Variants in HDAC9 observed in about 807,000 individuals in gnomAD.
HDAC9 encodes the protein MEF-2 interacting transcription repressor (MITR) protein.
HDAC9 carries 41 observed loss-of-function variants against 139.4 expected under a neutral mutation model. That is an observed-to-expected ratio of 0.29 (90% CI 0.23 to 0.38). The LOEUF (loss-of-function observed/expected upper bound fraction) is 0.38, where lower values mean the gene tolerates loss of function less well. HDAC9 is among the 10% of genes least tolerant of loss of function. HDAC9 has a pLI of 1.00. For missense variants in HDAC9, 1,147 were observed against 1,297.0 expected (o/e 0.88, Z 1.78); for synonymous variants, 517 against 476.2 (o/e 1.09, Z -1.12).
At chr7:18,712,120 A>G (rs1784389361) in intron 12 of HDAC9, among the ~76,000 whole-genome samples, 1 of 152,254 alleles carries the variant, frequency 6.6e-6, no homozygotes, top group South Asian at 2.1e-4. Flanking sequence ...TTGAATTCCA[A>G]TTTAAATAAA....
At chr7:18,268,054 T>G (rs2128211288) in intron 2 of HDAC9, among the ~76,000 whole-genome samples, 1 of 152,288 alleles carries the variant, frequency 6.6e-6, no homozygotes, top group Non-Finnish European at 1.5e-5. Context: ...TGCTACTCAG[T>G]TATTGGAATA....
At chr7:18,123,804 C>T (rs1162084779) in intron 1 of HDAC9, among the ~76,000 whole-genome samples, 1 of 152,102 alleles carries the variant, frequency 6.6e-6, no homozygotes, top group African/African-American at 2.4e-5. Context: ...TTAATTCTCT[C>T]ACATAATAAG....
intron 2 of HDAC9, among the ~76,000 whole-genome samples, chr7:18,243,311 C>T (rs1242531427): frequency 2.0e-5 from 3 of 152,200 alleles, no homozygotes; most frequent in Non-Finnish European, 4.4e-5. Context: ...GTTCTAAGGA[C>T]TAAAGCATAA....
At chr7:18,624,546 G>A (rs1253155026) in intron 6 of HDAC9, among the ~76,000 whole-genome samples, 2 of 152,064 alleles carry the variant, frequency 1.3e-5, no homozygotes, top group Non-Finnish European at 2.9e-5. Context: ...AAGGTAATTA[G>A]TGTAACTAGG....
At chr7:18,203,913 A>G (rs527517579) in intron 2 of HDAC9, among the ~76,000 whole-genome samples, 148 of 152,264 alleles carry the variant, frequency 9.7e-4, no homozygotes, top group African/African-American at 3.4e-3. Context: ...GAGGTAATGT[A>G]GAGATATAGG....
chr7:18,927,488 T>G, intron 22 of HDAC9, among the ~76,000 whole-genome samples: 1 of 152,138 alleles, frequency 6.6e-6, no homozygotes, highest in East Asian at 1.9e-4. Context: ...GGGAGGAAAA[T>G]GGCTACAGTT....
intron 2 of HDAC9, among the ~76,000 whole-genome samples, chr7:18,190,104 A>T (rs929980410): frequency 2.0e-5 from 3 of 151,894 alleles, no homozygotes; most frequent in South Asian, 2.1e-4. Flanking sequence ...CATGCCTGGC[A>T]AATTATTTTT....
chr7:18,513,375 G>A (rs771819324), intron 2 of HDAC9, among the ~76,000 whole-genome samples: 2 of 152,174 alleles, frequency 1.3e-5, no homozygotes, highest in Non-Finnish European at 2.9e-5. Context: ...GTGAAATAGA[G>A]AGGTGATAAT....
At chr7:18,347,581 C>T (rs1199391057) in intron 1 of HDAC9, among the ~76,000 whole-genome samples, 1 of 152,028 alleles carries the variant, frequency 6.6e-6, no homozygotes, top group African/African-American at 2.4e-5. Context: ...GCAACATGTT[C>T]TTATTTATTT....
rs1186755275 is a variant in HDAC9, at chr7:18,620,086, T to TC, written c.665-9261dup. ...GCCTCAGCACTTAACATGCACTTTT[T>TC]CCCATTCCTTGATTCCTTGTTTGAA... is the stretch of plus-strand genomic sequence containing the variant. On this transcript the variant is annotated intron_variant, in intron 6 of 25. Coordinates refer to ENST00000686413, the MANE Select transcript of HDAC9 (RefSeq NM_178425.4). 2.0e-5 allele frequency among the ~76,000 whole-genome samples: 3 copies of TC among 152,206 alleles called. No individual in the cohort carries two copies. In the East Asian group the frequency reaches 5.8e-4, roughly 29 times the overall value.
At chr7:18,551,766 A>G (rs898780146) in intron 2 of HDAC9, among the ~76,000 whole-genome samples, 5 of 152,188 alleles carry the variant, frequency 3.3e-5, no homozygotes, top group Non-Finnish European at 5.9e-5. Flanking sequence ...TTCAAACAGA[A>G]TCAACATTGT....
rs111496803 is a variant in HDAC9 at position 18,853,620 on chromosome 7, C to T, written c.2684+17623C>T. On this transcript the variant is annotated intron_variant, in intron 21 of 25. Coordinates refer to ENST00000686413, the MANE Select transcript of HDAC9 (RefSeq NM_178425.4). ...TAAGCATGTGCCATCTTTAAAGTAC[C>T]TATTTGAAACTGTTATAATTTAAGA... is the stretch of plus-strand genomic sequence containing the variant. 6.7e-3 allele frequency among the ~76,000 whole-genome samples: 1,022 copies of T among 151,984 alleles called. 12 individuals carry two copies. Among genetic ancestry groups the T allele is most frequent in the African/African-American group, 0.022 (921 of 41,444 alleles).
chr7:18,447,658 A>G (rs73060381), intron 1 of HDAC9, among the ~76,000 whole-genome samples: 1,732 of 152,324 alleles, frequency 0.011, 16 homozygotes, highest in Middle Eastern at 0.048. Flanking sequence ...GTTTTTGTTA[A>G]CTATGCTTTA....
At chr7:18,554,206 T>C (rs968353606) in intron 2 of HDAC9, among the ~76,000 whole-genome samples, 5 of 152,068 alleles carry the variant, frequency 3.3e-5, no homozygotes, top group African/African-American at 1.2e-4. Flanking sequence ...TATAGAACTG[T>C]ATTGTCTATA....
At chr7:18,231,322 G>A (rs867131432) in intron 2 of HDAC9, among the ~76,000 whole-genome samples, 3 of 152,186 alleles carry the variant, frequency 2.0e-5, no homozygotes, top group African/African-American at 7.2e-5. Flanking sequence ...TAGACTCATT[G>A]GGTAATAGGC....
chr7:18,773,364 TAC>T (rs4043674), intron 16 of HDAC9, among the ~76,000 whole-genome samples: 7,965 of 142,644 alleles, frequency 0.056, 248 homozygotes, highest in African/African-American at 0.082. Context: ...AAAAACTGTA[TAC>T]ACACACACAC....
intron 1 of HDAC9, among the ~76,000 whole-genome samples, chr7:18,103,354 A>G (rs1782977240): frequency 1.3e-5 from 2 of 152,134 alleles, no homozygotes; most frequent in African/African-American, 2.4e-5. Flanking sequence ...TTTATTTTAT[A>G]TTCGGGGGAT....
chr7:18,251,989 A>C (rs1179004110), intron 2 of HDAC9, among the ~76,000 whole-genome samples: 1 of 152,106 alleles, frequency 6.6e-6, no homozygotes, highest in African/African-American at 2.4e-5. Context: ...ATTTTCCTAG[A>C]TTTTTCACTT....
chr7:18,715,702 A>T (rs528854114), intron 12 of HDAC9, among the ~76,000 whole-genome samples: 2 of 152,184 alleles, frequency 1.3e-5, no homozygotes, highest in African/African-American at 2.4e-5. Flanking sequence ...CATATTATCA[A>T]TGTTAAATCT....
Sources: allele counts gnomAD v4.1 joint callset (sites outside exome capture counted in the v4.1 genomes callset), GRCh38; gene constraint gnomAD v4.1.1; transcripts MANE v1.5; gene names NCBI Gene and HGNC (gene_info 2026-07-23, HGNC 2026-07-21).